The following NDUFAF2 variants were observed in gnomAD, a reference collection of about 807,000 sequenced individuals.
The protein encoded by NDUFAF2 is NADH:ubiquinone oxidoreductase complex assembly factor 2.
In NDUFAF2, 13 loss-of-function variants were observed where a neutral mutation model predicts 22.8. That is an observed-to-expected ratio of 0.57 (90% CI 0.37 to 0.91). The LOEUF is 0.91. NDUFAF2 is among the 40% of genes least tolerant of loss of function. The pLI is 0.01. For missense variants in NDUFAF2, 162 were observed against 195.2 expected, an observed-to-expected ratio of 0.83 and a Z score of 1.01; for synonymous variants, 53 against 64.2, an observed-to-expected ratio of 0.83 and a Z score of 0.84.
intron 3 of NDUFAF2, among the ~76,000 whole-genome samples, chr5:61,144,031 T>G (rs1741096176): frequency 6.6e-6 from 1 of 151,098 alleles, no homozygotes; most frequent in South Asian, 2.1e-4. Context: ...TTTTTCTACC[T>G]GGATTCATAA....
chr5:61,003,135 C>T (rs916393002), intron 1 of NDUFAF2, among the ~76,000 whole-genome samples: 7 of 152,086 alleles, frequency 4.6e-5, no homozygotes, highest in Non-Finnish European at 1.0e-4. Context: ...GCAAACATAG[C>T]ATTCTCTTTC....
intron 3 of NDUFAF2, among the ~76,000 whole-genome samples, chr5:61,120,274 G>A (rs1427881715): frequency 6.6e-6 from 1 of 152,062 alleles, no homozygotes; most frequent in Non-Finnish European, 1.5e-5. Flanking sequence ...TGAATGTTTT[G>A]AGCTCCTCAG....
intron 1 of NDUFAF2, among the ~76,000 whole-genome samples, chr5:60,950,708 A>C (rs1750533540): frequency 6.6e-6 from 1 of 151,524 alleles, no homozygotes; most frequent in Non-Finnish European, 1.5e-5. Context: ...GACTTTTAAA[A>C]ATTAATAGAC....
intron 1 of NDUFAF2, among the ~76,000 whole-genome samples, chr5:61,061,314 C>A (rs965083070): frequency 6.6e-6 from 1 of 152,054 alleles, no homozygotes; most frequent in Non-Finnish European, 1.5e-5. Context: ...ATTTACTATT[C>A]ATCATCATGG....
intron 1 of NDUFAF2, among the ~76,000 whole-genome samples, chr5:61,063,343 TA>T (rs35853222): frequency 0.47 from 68,430 of 146,682 alleles, 16,072 homozygotes; most frequent in East Asian, 0.81. Flanking sequence ...TCAAAAAAGT[TA>T]AAAAAAAAAA....
intron 1 of NDUFAF2, among the ~76,000 whole-genome samples, chr5:60,991,005 A>C (rs1751151203): frequency 6.6e-6 from 1 of 152,130 alleles, no homozygotes. Flanking sequence ...AAAATTTTCA[A>C]AGTGATTTTT....
chr5:60,987,420 CATTCT>C (rs1390433114), intron 1 of NDUFAF2, among the ~76,000 whole-genome samples: 1 of 152,190 alleles, frequency 6.6e-6, no homozygotes, highest in Non-Finnish European at 1.5e-5. Context: ...CTTCCCAACT[CATTCT>C]ATGAAACCAG....
At chr5:60,981,650 G>C (rs1750979229) in intron 1 of NDUFAF2, among the ~76,000 whole-genome samples, 2 of 152,094 alleles carry the variant, frequency 1.3e-5, no homozygotes, top group African/African-American at 2.4e-5. Context: ...AGTACAATAA[G>C]ATATAAATAG....
intron 1 of NDUFAF2, among the ~76,000 whole-genome samples, chr5:60,960,048 A>G (rs546751616): frequency 7.2e-5 from 11 of 152,266 alleles, no homozygotes; most frequent in African/African-American, 2.6e-4. Flanking sequence ...TTATGAAGTT[A>G]AGGAACCTTA....
At chr5:61,107,050 C>T (rs1396881709) in intron 3 of NDUFAF2, among the ~76,000 whole-genome samples, 1 of 109,334 alleles carries the variant, frequency 9.1e-6, no homozygotes, top group Admixed American at 8.6e-5. Flanking sequence ...TAAATATACA[C>T]ACACACACAC....
intron 1 of NDUFAF2, among the ~76,000 whole-genome samples, chr5:61,017,783 T>C (rs887248437): frequency 1.3e-5 from 2 of 151,962 alleles, no homozygotes; most frequent in Admixed American, 6.6e-5. Flanking sequence ...GGAGTCTCAC[T>C]CTGTTGCCCA....
intron 1 of NDUFAF2, among the ~76,000 whole-genome samples, chr5:61,069,682 C>T (rs1010490417): frequency 7.2e-5 from 11 of 152,124 alleles, no homozygotes; most frequent in African/African-American, 2.7e-4. Flanking sequence ...GGTGCTCATA[C>T]ACTGTCCCAG....
chr5:61,071,012 A>G (rs1397324348), intron 1 of NDUFAF2, among the ~76,000 whole-genome samples: 1 of 152,198 alleles, frequency 6.6e-6, no homozygotes, highest in Non-Finnish European at 1.5e-5. Context: ...GAAAATTGTC[A>G]CATAAGCTTA....
chr5:61,082,081 T>C (rs1752450649), intron 2 of NDUFAF2, among the ~76,000 whole-genome samples: 1 of 152,204 alleles, frequency 6.6e-6, no homozygotes, highest in South Asian at 2.1e-4. Flanking sequence ...AGAGAAGATA[T>C]AGCCTCAGCA....
intron 1 of NDUFAF2, among the ~76,000 whole-genome samples, chr5:61,069,126 C>CCTTT (rs1752264783): frequency 7.3e-6 from 1 of 136,896 alleles, no homozygotes; most frequent in African/African-American, 2.7e-5. Flanking sequence ...AATGTTAGTG[C>CCTTT]TTTTTTTTTT....
chr5:60,998,099 T>C (rs1351810428), intron 1 of NDUFAF2, among the ~76,000 whole-genome samples: 1 of 152,214 alleles, frequency 6.6e-6, no homozygotes, highest in African/African-American at 2.4e-5. Flanking sequence ...TTGTAGGTAC[T>C]GTTTAAATTG....
At chr5:61,142,768 C>T (rs191132709) in intron 3 of NDUFAF2, among the ~76,000 whole-genome samples, 1 of 152,182 alleles carries the variant, frequency 6.6e-6, no homozygotes, top group South Asian at 2.1e-4. Flanking sequence ...CTTATTTACT[C>T]TTTGGGTTTC....
intron 3 of NDUFAF2, among the ~76,000 whole-genome samples, chr5:61,131,213 T>TTGA (rs1753107724): frequency 6.6e-6 from 1 of 151,338 alleles, no homozygotes; most frequent in African/African-American, 2.4e-5. Context: ...TTTTTTTTTT[T>TTGA]GAGGCAGGGT....
intron 1 of NDUFAF2, among the ~76,000 whole-genome samples, chr5:61,038,088 AAGAG>A (rs138511749): frequency 1.5e-3 from 120 of 77,790 alleles, no homozygotes; most frequent in East Asian, 3.3e-3. Flanking sequence ...GAGGCGGGGG[AAGAG>A]AGAGAGAGAG....
Sources: gnomAD v4.1 joint callset for allele counts (sites outside exome capture counted in the v4.1 genomes callset) on GRCh38, gnomAD v4.1.1 for gene constraint, MANE v1.5 for transcripts, NCBI Gene and HGNC (gene_info 2026-07-23, HGNC 2026-07-21) for gene names.